Variants in SDK2 observed in about 807,000 individuals in gnomAD.
SDK2 encodes sidekick cell adhesion molecule 2.
In SDK2, 105 loss-of-function variants were observed where a neutral mutation model predicts 253.9. That is an observed-to-expected ratio of 0.41 (90% confidence interval 0.35 to 0.49). The LOEUF (loss-of-function observed/expected upper bound fraction) is 0.49, where lower values mean the gene tolerates loss of function less well. Ranked by LOEUF, SDK2 falls within the 20% of genes least tolerant of loss-of-function variation. SDK2 has a pLI of 0.06. For synonymous variants in SDK2, 1,249 were observed against 1,234.9 expected (o/e 1.01, Z -0.24); for missense variants, 2,608 against 3,003.0 (o/e 0.87, Z 3.07).
chr17:73,493,531 C>G (rs930873707), intron 2 of SDK2, among the ~76,000 whole-genome samples: 3 of 152,192 alleles, frequency 2.0e-5, no homozygotes, highest in African/African-American at 4.8e-5. Flanking sequence ...CTGTTCCATG[C>G]AGAGGAGCTG....
At chr17:73,384,092 C>A (rs1463003434) in intron 32 of SDK2, 81 bp from the exon 33 acceptor site, 8 of 1,462,626 alleles carry the variant, frequency 5.5e-6, no homozygotes, top group Non-Finnish European at 7.5e-6. Context: ...ATGCCTCCTG[C>A]AGCCACAGAG....
intron 15 of SDK2, among the ~76,000 whole-genome samples, chr17:73,421,669 C>A (rs7405531): frequency 0.68 from 99,688 of 146,424 alleles, 34,630 homozygotes; most frequent in Admixed American, 0.75. Context: ...TCAAGGGATT[C>A]TTGTGCCTCA....
intron 29 of SDK2, among the ~76,000 whole-genome samples, chr17:73,388,470 C>T (rs2062893144): frequency 6.6e-6 from 1 of 152,188 alleles, no homozygotes. Flanking sequence ...CCCAGCCTCG[C>T]TGCCCCGCCC....
chr17:73,375,875 GAAATAAAATAAACTAAACTA>G (rs1033602924), intron 36 of SDK2, among the ~76,000 whole-genome samples: 5 of 126,230 alleles, frequency 4.0e-5, no homozygotes, highest in African/African-American at 1.4e-4. Flanking sequence ...AAGAAAGAAA[GAAATAAAATAAACTAAACTA>G]AAATAAAATA....
Position 73,431,662 on chromosome 17 carries a change from G to A in SDK2, c.1320C>T (p.Arg440=). ...RPAITWQKGE[R]ILASGSVQLP... The stretch of plus-strand genomic sequence containing the variant: ...GCTGCACAGAGCCACTGGCCAAGAT[G>A]CGCTCCCCTGAGGGCAAAACAGGGT... Residue 440 remains arginine (R), a synonymous_variant, in exon 11 of 45, where the codon CGC becomes CGT. Coordinates refer to ENST00000392650, the MANE Select transcript of SDK2 (RefSeq NM_001144952.2). The surrounding 1 kb of genome is among the most constrained non-coding windows in gnomAD (Gnocchi z 5.6). The A allele has an allele frequency of 6.2e-7, 1 of 1,608,262 alleles. No homozygotes were observed. Among genetic ancestry groups the A allele is most frequent in the Non-Finnish European group, 8.5e-7 (1 of 1,177,358 alleles).
chr17:73,489,358 T>C (rs1416231014), intron 2 of SDK2, among the ~76,000 whole-genome samples: 3 of 152,140 alleles, frequency 2.0e-5, no homozygotes, highest in Non-Finnish European at 4.4e-5. Flanking sequence ...GAAGACTTGG[T>C]CATCTTTGGG....
intron 5 of SDK2, among the ~76,000 whole-genome samples, chr17:73,441,411 A>G (rs2063414707): frequency 6.6e-6 from 1 of 152,144 alleles, no homozygotes; most frequent in Non-Finnish European, 1.5e-5. Context: ...TTATTTGCAT[A>G]TAGGATCATT....
intron 1 of SDK2, among the ~76,000 whole-genome samples, chr17:73,523,288 C>T (rs941673826): frequency 6.6e-6 from 1 of 151,932 alleles, no homozygotes; most frequent in Non-Finnish European, 1.5e-5. Context: ...AGAGACCAAG[C>T]TTCCCCTCTT....
chr17:73,462,271 A>C (rs558382773), intron 3 of SDK2, among the ~76,000 whole-genome samples: 1 of 151,534 alleles, frequency 6.6e-6, no homozygotes, highest in South Asian at 2.1e-4. Flanking sequence ...GTATGGTGGG[A>C]TGCATGGTTG....
intron 40 of SDK2, among the ~76,000 whole-genome samples, chr17:73,357,003 G>C (rs1475309252): frequency 2.0e-5 from 3 of 152,316 alleles, no homozygotes; most frequent in African/African-American, 7.2e-5. Context: ...AGCACGTAGT[G>C]GTCTCCTGGC....
At chr17:73,502,062 G>A (rs2063894805) in intron 2 of SDK2, among the ~76,000 whole-genome samples, 1 of 149,596 alleles carries the variant, frequency 6.7e-6, no homozygotes, top group Non-Finnish European at 1.5e-5. Context: ...GGGTGCACAG[G>A]CTTGCCTTTG....
Position 73,643,569 on chromosome 17 carries a change from C to T in SDK2, c.64+456G>A, listed in dbSNP as rs2046425090. Among the ~76,000 whole-genome samples the T allele has an allele frequency of 6.6e-6, 1 of 152,140 alleles. No homozygotes were observed. The highest frequency in any genetic ancestry group is 2.1e-4 in the South Asian group (1 of 4,834). ...GCATCCAGCGCTCGCCCACCCCACTCCCTCGCCCCGGGGAGGCCATCGCCT... is the reference window on the plus strand; with the variant it reads ...GCATCCAGCGCTCGCCCACCCCACTTCCTCGCCCCGGGGAGGCCATCGCCT... On this transcript the variant is annotated intron_variant, in intron 1 of 44. Coordinates refer to ENST00000392650, the MANE Select transcript of SDK2 (RefSeq NM_001144952.2). This position sits in a 1 kb window ranked among gnomAD's most constrained non-coding sequence, Gnocchi z 6.9.
chr17:73,579,395 A>G (rs953875150), intron 1 of SDK2, among the ~76,000 whole-genome samples: 4 of 152,088 alleles, frequency 2.6e-5, no homozygotes, highest in African/African-American at 4.8e-5. Flanking sequence ...CTTGCCTATC[A>G]CACAGCCCTT....
rs2063609957 is a variant in SDK2, at chr17:73,467,421, T to A, written c.331+4691A>T. ...CATCTGTAACATGGAGATGGGGACTTGCACTCTGCAGGCTGGGACGAGAAC... is the reference window on the plus strand; with the variant it reads ...CATCTGTAACATGGAGATGGGGACTAGCACTCTGCAGGCTGGGACGAGAAC... On this transcript the variant is annotated intron_variant, in intron 3 of 44. Coordinates refer to ENST00000392650, the MANE Select transcript of SDK2 (RefSeq NM_001144952.2). This position sits in a 1 kb window ranked among gnomAD's most constrained non-coding sequence, Gnocchi z 4.1. 6.6e-6 allele frequency among the ~76,000 whole-genome samples: 1 copy of A among 152,212 alleles called. No individual in the cohort carries two copies. The highest frequency in any genetic ancestry group is 1.9e-4 in the East Asian group (1 of 5,160).
Position 73,419,173 on chromosome 17 carries a change from T to A in SDK2, c.2179A>T (p.Ile727Phe). 1 of 1,612,208 alleles carries A rather than the reference T, an allele frequency of 6.2e-7. No individual in the cohort carries two copies. Among genetic ancestry groups the A allele is most frequent in the East Asian group, 2.2e-5 (1 of 44,872 alleles). Residue 727 changes from isoleucine (I) to phenylalanine (F), a missense_variant, in exon 16 of 45, where the codon ATC becomes TTC. Around this residue, in one of 2 missense-constraint regions of SDK2, gnomAD observed 1,505 missense variants for 1,859.1 expected, o/e 0.81. Coordinates refer to ENST00000392650, the MANE Select transcript of SDK2 (RefSeq NM_001144952.2). ...SHQNGILKGYIIRYCLAGLPV... is the reference protein window; with the variant it reads ...SHQNGILKGYFIRYCLAGLPV... ...CCCAGGGTGGACACCCACCTGATGA[T>A]GTAACCCTTGAGAATTCCATTCTGG...
At chr17:73,464,181 T>A (rs1253296835) in intron 3 of SDK2, among the ~76,000 whole-genome samples, 1 of 152,046 alleles carries the variant, frequency 6.6e-6, no homozygotes, top group Non-Finnish European at 1.5e-5. Context: ...TGGTTTGGAT[T>A]TGTGTCCCCA....
intron 4 of SDK2, among the ~76,000 whole-genome samples, chr17:73,450,089 T>C (rs930711039): frequency 2.0e-5 from 3 of 152,176 alleles, no homozygotes; most frequent in Non-Finnish European, 4.4e-5. Context: ...ACCTGAGAGT[T>C]TCCTGCAGGG....
rs187752235 is a variant in SDK2, at chr17:73,455,988, G to A, written c.397C>T (p.Arg133Cys). 1.9e-4 allele frequency: 295 copies of A among 1,547,638 alleles called. 1 individual carries two copies. The East Asian group carries it at 4.9e-3, about 26-fold the overall frequency. Residue 133 changes from arginine (R) to cysteine (C), a missense_variant, in exon 4 of 45, where the codon CGT (arginine) becomes TGT (cysteine). Physicochemically the swap from Arg to Cys is radical, Grantham distance 180. This residue lies in a region of SDK2 where 1,505 missense variants were observed against 1,859.1 expected (regional missense o/e 0.81). Transcript: ENST00000392650. This position sits in a 1 kb window ranked among gnomAD's most constrained non-coding sequence, Gnocchi z 5.0. ...SVSHGEAAVI[R>C]APRIASFPQP... ...GGGAAGCTGGCGATGCGCGGGGCAC[G>A]GATGACAGCTGCTTCTCCGTGGGAG...
At chr17:73,594,035 C>T (rs1022621500) in intron 1 of SDK2, among the ~76,000 whole-genome samples, 1 of 152,230 alleles carries the variant, frequency 6.6e-6, no homozygotes, top group African/African-American at 2.4e-5. Context: ...CCACAACCCA[C>T]AGCAATAAAT....
Sources: gnomAD v4.1 joint callset for allele counts (sites outside exome capture counted in the v4.1 genomes callset) on GRCh38, gnomAD v4.1.1 for gene constraint, gnomAD v4.1.1 regional missense constraint, Gnocchi (gnomAD v3.1) non-coding constraint, MANE v1.5 for transcripts, NCBI Gene and HGNC (gene_info 2026-07-23, HGNC 2026-07-21) for gene names.